STK17B: variants seen among roughly 807,000 people sequenced by gnomAD.
STK17B encodes the protein serine/threonine kinase 17b.
In STK17B, 21 loss-of-function variants were observed where a neutral mutation model predicts 42.0. The observed-to-expected ratio is 0.50, with a 90% confidence interval of 0.35 to 0.72. The LOEUF (loss-of-function observed/expected upper bound fraction) is 0.72. Ranked by LOEUF, STK17B falls within the 30% of genes least tolerant of loss-of-function variation. The pLI is 0.00. For missense variants in STK17B, 349 were observed against 446.0 expected (o/e 0.78, Z 1.96); for synonymous variants, 143 against 148.4 (o/e 0.96, Z 0.26).
chr2:196,137,828 A>T, intron 7 of STK17B, 99 bp from the exon 8 acceptor site: 11 of 1,298,602 alleles, frequency 8.5e-6, no homozygotes, highest in Non-Finnish European at 1.1e-5. Flanking sequence ...CTTCTTGTGA[A>T]AATAAAACAT....
chr2:196,163,506 G>T, intron 1 of STK17B, 79 bp from the exon 2 acceptor site: 1 of 1,053,178 alleles, frequency 9.5e-7, no homozygotes, highest in Non-Finnish European at 1.3e-6. Flanking sequence ...TCCAAATATA[G>T]CTATAAAATA....
intron 5 of STK17B, among the ~76,000 whole-genome samples, chr2:196,143,119 A>T (rs1699516338): frequency 6.6e-6 from 1 of 152,190 alleles, no homozygotes; most frequent in Non-Finnish European, 1.5e-5. Flanking sequence ...AATTCCTGTA[A>T]GTTTAAACTG....
chr2:196,162,150 T>A (rs1236031426), intron 2 of STK17B, among the ~76,000 whole-genome samples: 2 of 152,212 alleles, frequency 1.3e-5, no homozygotes, highest in African/African-American at 4.8e-5. Flanking sequence ...GCTCAAAAGA[T>A]GCTGAATATA....
At chr2:196,160,653 T>C (rs1699800168) in intron 2 of STK17B, among the ~76,000 whole-genome samples, 1 of 152,210 alleles carries the variant, frequency 6.6e-6, no homozygotes, top group Non-Finnish European at 1.5e-5. Context: ...TGAAAAGCCA[T>C]GATTTCTAAT....
Position 196,156,649 on chromosome 2 carries a change from C to T in STK17B, c.125G>A (p.Gly42Glu). ...ACATTGTCTAACCACAGCAAATTTT[C>T]CTCTGGGGGAAGATGAGAACAATCA... ...YILTSKELGR[G>E]KFAVVRQCIS... The change falls in exon 3 of 8, where the codon GGA (glycine) becomes GAA (glutamate). Residue 42 changes from glycine to glutamate, a missense_variant and splice_region_variant. Gly to Glu is a moderately conservative substitution (Grantham distance 98, BLOSUM62 -2). Around this residue, in one of 3 missense-constraint regions of STK17B, gnomAD observed 256 missense variants for 347.7 expected, o/e 0.74. Coordinates refer to ENST00000263955, the MANE Select transcript of STK17B (RefSeq NM_004226.4). 6.2e-7 allele frequency: 1 copy of T among 1,608,210 alleles called. No individual in the cohort carries two copies. Among genetic ancestry groups the T allele is most frequent in the Non-Finnish European group, 8.5e-7 (1 of 1,176,690 alleles).
At position 196,136,988 on chromosome 2, in the gene STK17B, T is replaced by C. The variant is rs1364105712; in HGVS notation, c.*459A>G. On this transcript the variant is annotated 3_prime_UTR_variant, in exon 8 of 8. Coordinates refer to ENST00000263955, the MANE Select transcript of STK17B (RefSeq NM_004226.4). Reference sequence around the variant, plus strand: ...TTGAGCATCTATAAAGTAGAAATTATTTTGGCTTAAACTTCATACTGCTTT... The same window carrying C: ...TTGAGCATCTATAAAGTAGAAATTACTTTGGCTTAAACTTCATACTGCTTT... 1 of 152,770 alleles carries C rather than the reference T, an allele frequency of 6.5e-6. No individual in the cohort carries two copies. Among genetic ancestry groups the C allele is most frequent in the African/African-American group, 2.4e-5 (1 of 41,476 alleles). 9.5% of individuals were successfully genotyped at this position (152,770 alleles called of 1,614,324 possible).
At chr2:196,171,759 C>T (rs901763479), upstream of STK17B, among the ~76,000 whole-genome samples, 2 of 149,208 alleles carry the variant, frequency 1.3e-5, no homozygotes, top group African/African-American at 2.4e-5. Context: ...CCTGGCTGGC[C>T]CGAGGCGGGG....
At chr2:196,157,497 C>CA (rs1699755197) in intron 2 of STK17B, among the ~76,000 whole-genome samples, 1 of 152,136 alleles carries the variant, frequency 6.6e-6, no homozygotes, top group Non-Finnish European at 1.5e-5. Context: ...ACAATTTTTA[C>CA]CACCTTTGAA....
chr2:196,156,873 A>G (rs540615437), intron 2 of STK17B, among the ~76,000 whole-genome samples: 61 of 152,362 alleles, frequency 4.0e-4, no homozygotes, highest in African/African-American at 1.4e-3. Context: ...TAACAACAGG[A>G]TAAGACAGAA....
intron 3 of STK17B, among the ~76,000 whole-genome samples, chr2:196,149,670 A>T (rs1209062360): frequency 6.6e-6 from 1 of 152,224 alleles, no homozygotes; most frequent in Non-Finnish European, 1.5e-5. Flanking sequence ...GGAGAGTTAC[A>T]ATAGAATATG....
At chr2:196,138,195 T>C (rs922837634) in intron 7 of STK17B, among the ~76,000 whole-genome samples, 1 of 152,256 alleles carries the variant, frequency 6.6e-6, no homozygotes, top group Non-Finnish European at 1.5e-5. Context: ...ATATTTTTTC[T>C]ACATATATGT....
At chr2:196,150,417 A>G (rs531635312) in intron 3 of STK17B, among the ~76,000 whole-genome samples, 1 of 152,212 alleles carries the variant, frequency 6.6e-6, no homozygotes, top group African/African-American at 2.4e-5. Context: ...ACGTGATAAG[A>G]GTACTTTAGC....
intron 7 of STK17B, among the ~76,000 whole-genome samples, chr2:196,139,260 G>A (rs1465460371): frequency 2.0e-5 from 3 of 152,256 alleles, no homozygotes; most frequent in Admixed American, 6.5e-5. Flanking sequence ...CACCGCGCCC[G>A]GCCGTAAAAT....
At chr2:196,142,085 G>A (rs1478998037) in intron 5 of STK17B, among the ~76,000 whole-genome samples, 2 of 152,074 alleles carry the variant, frequency 1.3e-5, no homozygotes, top group Non-Finnish European at 1.5e-5. Context: ...ACGGAGTTTC[G>A]CTCTTGTTGC....
chr2:196,138,194 C>T (rs772067366), intron 7 of STK17B, among the ~76,000 whole-genome samples: 2 of 152,160 alleles, frequency 1.3e-5, no homozygotes, highest in Non-Finnish European at 2.9e-5. Context: ...GATATTTTTT[C>T]TACATATATG....
At chr2:196,176,361 G>T (rs569036243), upstream of STK17B, 1 of 152,176 alleles carries the variant, frequency 6.6e-6, no homozygotes, top group Non-Finnish European at 1.5e-5. Flanking sequence ...ATTTAAGGTT[G>T]TGCTTCAGAG....
At chr2:196,173,092 T>C (rs1248559541), upstream of STK17B, among the ~76,000 whole-genome samples, 2 of 152,136 alleles carry the variant, frequency 1.3e-5, no homozygotes, top group Non-Finnish European at 2.9e-5. Context: ...ATACTCCCCG[T>C]CACTAATCCA....
intron 1 of STK17B, among the ~76,000 whole-genome samples, chr2:196,165,005 T>A (rs921867506): frequency 6.6e-6 from 1 of 152,338 alleles, no homozygotes; most frequent in Admixed American, 6.5e-5. Context: ...TCATCCATCA[T>A]ACCAGCTATG....
intron 3 of STK17B, among the ~76,000 whole-genome samples, chr2:196,152,107 CTTTTTT>C (rs56369141): frequency 5.4e-5 from 7 of 130,790 alleles, no homozygotes; most frequent in Admixed American, 3.0e-4. Flanking sequence ...AAAAAAGTGC[CTTTTTT>C]TTTTTTTTTT....
Sources: gnomAD v4.1 joint callset for allele counts (sites outside exome capture counted in the v4.1 genomes callset) on GRCh38, gnomAD v4.1.1 for gene constraint, gnomAD v4.1.1 regional missense constraint, MANE v1.5 for transcripts, NCBI Gene and HGNC (gene_info 2026-07-23, HGNC 2026-07-21) for gene names.